The following PPP1R16B variants were observed in gnomAD, a reference collection of about 807,000 sequenced individuals.
The protein encoded by PPP1R16B is protein phosphatase 1 regulatory subunit 16B.
Under a neutral mutation model 61.7 loss-of-function variants are expected in PPP1R16B, and 14 were observed. The observed-to-expected ratio is 0.23, with a 90% CI of 0.15 to 0.35. The LOEUF (loss-of-function observed/expected upper bound fraction) is 0.35, where lower values mean the gene tolerates loss of function less well. PPP1R16B is among the 10% of genes least tolerant of loss of function. PPP1R16B has a pLI of 1.00. For missense variants in PPP1R16B, 547 were observed against 752.5 expected (o/e 0.73, Z 3.19); for synonymous variants, 266 against 305.3 (o/e 0.87, Z 1.34).
intron 10 of PPP1R16B, among the ~76,000 whole-genome samples, chr20:38,909,231 C>T (rs932330418): frequency 2.6e-5 from 4 of 152,128 alleles, no homozygotes; most frequent in Non-Finnish European, 5.9e-5. Context: ...CAAACTTAGC[C>T]TCAAGCAATC....
chr20:38,882,310 G>A (rs2085208852), intron 2 of PPP1R16B, among the ~76,000 whole-genome samples: 1 of 152,156 alleles, frequency 6.6e-6, no homozygotes, highest in Admixed American at 6.5e-5. Flanking sequence ...GTCAGGTGGT[G>A]TTGATGAGGG....
chr20:38,848,001 TC>T (rs1339177377), intron 2 of PPP1R16B, among the ~76,000 whole-genome samples: 6 of 152,216 alleles, frequency 3.9e-5, no homozygotes, highest in Admixed American at 2.6e-4. Context: ...GTCCAAATCT[TC>T]CCACTGTCTG....
intron 1 of PPP1R16B, among the ~76,000 whole-genome samples, chr20:38,819,165 T>C (rs1055777754): frequency 2.0e-5 from 3 of 152,252 alleles, no homozygotes; most frequent in African/African-American, 7.2e-5. Flanking sequence ...CCCACCCCTA[T>C]TGCTTACTGG....
rs149381518 is a variant in PPP1R16B, at chr20:38,819,608, G to A, written c.-102+13816G>A. 5.8e-3 allele frequency among the ~76,000 whole-genome samples: 877 copies of A among 152,170 alleles called. 14 individuals carry two copies. Among genetic ancestry groups the A allele is most frequent in the African/African-American group, 0.02 (839 of 41,504 alleles). On this transcript the variant is annotated intron_variant, in intron 1 of 10. Transcript: ENST00000299824. ...AAACATCCTGCTTTCAGACTTCCTG[G>A]AGAAGCAGCAGCACTTTCTGCTCCA...
chr20:38,884,773 TA>T (rs2085230265), intron 2 of PPP1R16B, among the ~76,000 whole-genome samples: 1 of 151,050 alleles, frequency 6.6e-6, no homozygotes, highest in African/African-American at 2.4e-5. Flanking sequence ...CCCTGTCTCT[TA>T]AAAAAAGAAG....
intron 2 of PPP1R16B, among the ~76,000 whole-genome samples, chr20:38,868,591 C>T (rs1039804404): frequency 9.9e-5 from 15 of 152,212 alleles, no homozygotes; most frequent in Non-Finnish European, 2.1e-4. Flanking sequence ...CTATGTTGGT[C>T]AGGCTGGTCT....
chr20:38,900,728 T>G, intron 5 of PPP1R16B, 44 bp downstream of exon 5: 2 of 1,429,174 alleles, frequency 1.4e-6, no homozygotes, highest in Non-Finnish European at 1.9e-6. Flanking sequence ...AGCACAGAGT[T>G]GCAGAGAGCG....
intron 2 of PPP1R16B, among the ~76,000 whole-genome samples, chr20:38,853,738 T>G (rs574153130): frequency 7.9e-4 from 121 of 152,310 alleles, no homozygotes; most frequent in Middle Eastern, 3.4e-3. Context: ...GGGCAGTTCT[T>G]CTGCTGGTTC....
In PPP1R16B at chr20:38,918,398, C is replaced by T. The variant is rs201345539; in HGVS notation, c.1436C>T (p.Thr479Met). 48 of 1,614,032 alleles carry T rather than the reference C, an allele frequency of 3.0e-5. No homozygotes were observed. The highest frequency in any genetic ancestry group is 3.3e-4 in the Middle Eastern group (2 of 6,084). The change falls in exon 11 of 11, where the codon ACG (threonine) becomes ATG (methionine). Residue 479 changes from threonine to methionine, a missense_variant. By Grantham distance (81) the Thr-to-Met change is moderately conservative. Transcript: ENST00000299824. The surrounding 1 kb of genome is among the most constrained non-coding windows in gnomAD (Gnocchi z 5.3). ...WSSYKEQSPQ[T>M]LLELKRQRAA... Reference sequence around the variant, plus strand: ...AGCTACAAGGAACAGAGCCCTCAGACGCTTCTGGAGCTGAAGCGGCAGCGG... The same window carrying T: ...AGCTACAAGGAACAGAGCCCTCAGATGCTTCTGGAGCTGAAGCGGCAGCGG...
intron 4 of PPP1R16B, among the ~76,000 whole-genome samples, chr20:38,896,240 C>G (rs1601299040): frequency 1.5e-5 from 2 of 133,330 alleles, no homozygotes; most frequent in South Asian, 2.7e-4. Context: ...CTACCTGCCT[C>G]CCTCCCTCTC....
intron 2 of PPP1R16B, among the ~76,000 whole-genome samples, chr20:38,865,740 A>G (rs1601271362): frequency 6.6e-6 from 1 of 152,194 alleles, no homozygotes; most frequent in Admixed American, 6.5e-5. Context: ...CCGGATTCCT[A>G]TCTCCGGGTC....
chr20:38,813,620 C>T (rs547194005), intron 1 of PPP1R16B, among the ~76,000 whole-genome samples: 1 of 152,128 alleles, frequency 6.6e-6, no homozygotes, highest in South Asian at 2.1e-4. Flanking sequence ...AGCTCTGCAC[C>T]CTGCAGGGTT....
At chr20:38,873,041 G>A (rs1055120263) in intron 2 of PPP1R16B, 3 of 152,284 alleles carry the variant, frequency 2.0e-5, no homozygotes, top group Non-Finnish European at 2.9e-5. Context: ...TTCCACCTCC[G>A]TCCCACCTCT....
chr20:38,881,090 C>T (rs2085200470), intron 2 of PPP1R16B, among the ~76,000 whole-genome samples: 2 of 152,142 alleles, frequency 1.3e-5, no homozygotes, highest in Non-Finnish European at 2.9e-5. Context: ...GAGGGAAGCC[C>T]GTGTCTTTCT....
intron 2 of PPP1R16B, among the ~76,000 whole-genome samples, chr20:38,844,449 C>T (rs1438626595): frequency 6.6e-6 from 1 of 152,188 alleles, no homozygotes; most frequent in African/African-American, 2.4e-5. Flanking sequence ...GCTAGACATC[C>T]TTTAAGTAAA....
intron 1 of PPP1R16B, among the ~76,000 whole-genome samples, chr20:38,820,842 C>T (rs534925142): frequency 3.2e-4 from 49 of 151,764 alleles, no homozygotes; most frequent in African/African-American, 1.1e-3. Flanking sequence ...ACCATCCTGG[C>T]TAACACAGTG....
At chr20:38,902,922 C>CCTGGCCCAAA in intron 6 of PPP1R16B, 130 bp downstream of exon 6, 1 of 1,409,962 alleles carries the variant, frequency 7.1e-7, no homozygotes, top group Non-Finnish European at 9.6e-7. Context: ...CCTTTTGGGC[C>CCTGGCCCAAA]AGGATTGCCC....
In PPP1R16B at chr20:38,918,692, G is replaced by A. The variant is rs780730725; in HGVS notation, c.*26G>A. ...TCTCCGTGTGATGGAGGAGGGAGAT[G>A]CCTGGGGAGGGGCTCCTGGAATCCA... is the stretch of plus-strand genomic sequence containing the variant. On this transcript the variant is annotated 3_prime_UTR_variant, in exon 11 of 11. Coordinates refer to ENST00000299824, the MANE Select transcript of PPP1R16B (RefSeq NM_015568.4). This position sits in a 1 kb window ranked among gnomAD's most constrained non-coding sequence, Gnocchi z 5.3. 11 of 1,491,482 alleles carry A rather than the reference G, an allele frequency of 7.4e-6. No individual in the cohort carries two copies. In the Admixed American group the frequency reaches 1.2e-4, roughly 16 times the overall value. 92.4% of individuals were successfully genotyped at this position (1,491,482 alleles called of 1,614,324 possible).
rs1440955223 is a variant in PPP1R16B at position 38,806,305 on chromosome 20, C to A, written c.-102+513C>A. ...CGGCAGGGCGCAGAGAGCGCTCCTG[C>A]CCGGGCGGGAAAGATCCCCAAGGCA... On this transcript the variant is annotated intron_variant, in intron 1 of 10. Transcript: ENST00000299824. The surrounding 1 kb of genome is among the most constrained non-coding windows in gnomAD (Gnocchi z 4.5). 1.3e-5 allele frequency among the ~76,000 whole-genome samples: 2 copies of A among 152,162 alleles called. No individual in the cohort carries two copies. The highest frequency in any genetic ancestry group is 3.9e-4 in the East Asian group (2 of 5,126).
Sources: allele counts gnomAD v4.1 joint callset (sites outside exome capture counted in the v4.1 genomes callset), GRCh38; gene constraint gnomAD v4.1.1; non-coding constraint Gnocchi (gnomAD v3.1); transcripts MANE v1.5; gene names NCBI Gene and HGNC (gene_info 2026-07-23, HGNC 2026-07-21).